TRIB2: variants seen among roughly 807,000 people sequenced by gnomAD.
TRIB2 encodes the protein tribbles pseudokinase 2.
In TRIB2, 2 loss-of-function variants were observed where a neutral mutation model predicts 26.8. That is an observed-to-expected ratio of 0.07 (90% CI 0.03 to 0.24). The LOEUF is 0.24. Ranked by LOEUF, TRIB2 falls within the 10% of genes least tolerant of loss-of-function variation. TRIB2 has a pLI of 1.00. For missense variants in TRIB2, 306 were observed against 449.0 expected (o/e 0.68, Z 2.88); for synonymous variants, 189 against 187.3 (o/e 1.01, Z -0.08).
intron 2 of TRIB2, among the ~76,000 whole-genome samples, chr2:12,725,915 T>A (rs1340865640): frequency 6.6e-6 from 1 of 152,244 alleles, no homozygotes; most frequent in African/African-American, 2.4e-5. Context: ...CTGTAGGACC[T>A]TGGAGAAAAT....
rs1661688804 is a variant in TRIB2, at chr2:12,740,433, T to G, written c.671T>G (p.Leu224Trp). The part of the protein sequence containing the change: ...GCPAYVSPEI[L>W]NTSGSYSGKA... The stretch of plus-strand genomic sequence containing the variant: ...CCGGCTTACGTAAGCCCAGAGATCT[T>G]GAACACCAGTGGCAGCTACTCGGGC... The change falls in exon 3 of 3, where the codon TTG becomes TGG. Residue 224 changes from leucine (L) to tryptophan (W), a missense_variant. Leu to Trp is a moderately conservative substitution (Grantham distance 61). Around this residue, in one of 4 missense-constraint regions of TRIB2, gnomAD observed 118 missense variants for 188.8 expected, o/e 0.63. Coordinates refer to ENST00000155926, the MANE Select transcript of TRIB2 (RefSeq NM_021643.4). This position sits in a 1 kb window ranked among gnomAD's most constrained non-coding sequence, Gnocchi z 5.8. The G allele has an allele frequency of 1.2e-6, 2 of 1,613,974 alleles. No homozygotes were observed. The highest frequency in any genetic ancestry group is 1.7e-6 in the Non-Finnish European group (2 of 1,180,020).
chr2:12,729,645 C>A (rs760226429), intron 2 of TRIB2, among the ~76,000 whole-genome samples: 1 of 152,136 alleles, frequency 6.6e-6, no homozygotes, highest in Non-Finnish European at 1.5e-5. Context: ...AAGGGCTTTT[C>A]TAATCACGGT....
At chr2:12,722,528 G>A (rs1020067880) in intron 1 of TRIB2, among the ~76,000 whole-genome samples, 3 of 152,176 alleles carry the variant, frequency 2.0e-5, no homozygotes, top group East Asian at 1.9e-4. Context: ...TTAAGCAACC[G>A]CACAATGAGT....
In TRIB2 at chr2:12,718,699, G is replaced by A; in HGVS notation, c.270+122G>A. 4 of 1,313,042 alleles carry A rather than the reference G, an allele frequency of 3.0e-6. No individual in the cohort carries two copies. Among genetic ancestry groups the A allele is most frequent in the East Asian group, 5.0e-5 (2 of 40,022 alleles). The allele number at this position is 1,313,042 out of a possible 1,614,324, so 81.3% of individuals were successfully genotyped here. On this transcript the variant is annotated intron_variant, in intron 1 of 2. Coordinates refer to ENST00000155926, the MANE Select transcript of TRIB2 (RefSeq NM_021643.4). The surrounding 1 kb of genome is among the most constrained non-coding windows in gnomAD (Gnocchi z 4.0). ...TAATTACCGTGGCCTTATTAAATGG[G>A]TTTATTTATTTATTTGCTCAGGTTC... is the stretch of plus-strand genomic sequence containing the variant.
intron 2 of TRIB2, among the ~76,000 whole-genome samples, chr2:12,733,490 T>A (rs1437742536): frequency 6.6e-6 from 1 of 152,240 alleles, no homozygotes; most frequent in African/African-American, 2.4e-5. Context: ...TTTCTCTGTG[T>A]ATGGCCTAGG....
Position 12,741,299 on chromosome 2 carries a change from T to C in TRIB2, c.*505T>C, listed in dbSNP as rs1661706776. On this transcript the variant is annotated 3_prime_UTR_variant, in exon 3 of 3. Transcript: ENST00000155926. ...AAAAAAAAATTCGGTGCACACAGAC[T>C]GACATGAAACCTGGGTGCTACAGTA... is the stretch of plus-strand genomic sequence containing the variant. 1 of 155,966 alleles carries C rather than the reference T, an allele frequency of 6.4e-6. No individual in the cohort carries two copies. Among genetic ancestry groups the C allele is most frequent in the Non-Finnish European group, 1.4e-5 (1 of 70,154 alleles). 9.7% of individuals were successfully genotyped at this position (155,966 alleles called of 1,614,324 possible). A position where few individuals can be genotyped will look rare whatever the true frequency, so the allele number is the denominator to read the frequency against.
In TRIB2 at chr2:12,742,191, A is replaced by G. The variant is rs1426646281; in HGVS notation, c.*1397A>G. The G allele has an allele frequency of 6.6e-6, 1 of 152,476 alleles. No individual in the cohort carries two copies. Among genetic ancestry groups the G allele is most frequent in the Non-Finnish European group, 1.5e-5 (1 of 68,022 alleles). 9.4% of individuals were successfully genotyped at this position (152,476 alleles called of 1,614,324 possible). A position where few individuals can be genotyped will look rare whatever the true frequency, so the allele number is the denominator to read the frequency against. On this transcript the variant is annotated 3_prime_UTR_variant, in exon 3 of 3. Transcript: ENST00000155926. ...AAATGTTTTTTATTACGGCTTTTCT[A>G]TTGCTGTATGATACAGAACTCTTTT... is the stretch of plus-strand genomic sequence containing the variant.
rs922855334 is a variant in TRIB2 at position 12,736,202 on chromosome 2, C to T, written c.564-4124C>T. Among the ~76,000 whole-genome samples, 8 of 152,068 alleles carry T rather than the reference C, an allele frequency of 5.3e-5. No individual in the cohort carries two copies. The East Asian group carries it at 5.8e-4, about 11-fold the overall frequency. ...AGGGCCTCAGATTTGGTCAGAGATG[C>T]GACAAAAGTGAGCTGACACAGTCGG... is the stretch of plus-strand genomic sequence containing the variant. On this transcript the variant is annotated intron_variant, in intron 2 of 2. Coordinates refer to ENST00000155926, the MANE Select transcript of TRIB2 (RefSeq NM_021643.4).
intron 2 of TRIB2, among the ~76,000 whole-genome samples, chr2:12,738,325 A>G (rs1467285009): frequency 6.6e-6 from 1 of 152,180 alleles, no homozygotes; most frequent in African/African-American, 2.4e-5. Context: ...GCTCTTTCTT[A>G]TTCAATGCTT....
At position 12,731,441 on chromosome 2, in the gene TRIB2, C is replaced by T. The variant is rs184045079; in HGVS notation, c.563+7889C>T. ...GATGGCAGGGATGGGTTTGTGATTC[C>T]GGAAGTACATGTGAAAGATGAACTG... On this transcript the variant is annotated intron_variant, in intron 2 of 2. Transcript: ENST00000155926. Among the ~76,000 whole-genome samples the T allele has an allele frequency of 3.1e-3, 473 of 152,186 alleles. 1 individual carries two copies. The highest frequency in any genetic ancestry group is 4.8e-3 in the Non-Finnish European group (327 of 68,018).
At chr2:12,731,225 G>T (rs966348047) in intron 2 of TRIB2, among the ~76,000 whole-genome samples, 1 of 152,168 alleles carries the variant, frequency 6.6e-6, no homozygotes, top group Non-Finnish European at 1.5e-5. Context: ...GAGTGCTGTA[G>T]TAGGGATGGG....
Position 12,740,628 on chromosome 2 carries a change from T to C in TRIB2, c.866T>C (p.Leu289Pro). 1 of 1,614,226 alleles carries C rather than the reference T, an allele frequency of 6.2e-7. No homozygotes were observed. Among genetic ancestry groups the C allele is most frequent in the Non-Finnish European group, 8.5e-7 (1 of 1,180,034 alleles). ...PKAKCLIRSI[L>P]RREPSERLTS... ...GCCAAGTGCCTCATCCGAAGCATTC[T>C]GCGTCGGGAGCCCTCAGAGCGGCTG... The change falls in exon 3 of 3, where the codon CTG becomes CCG. Residue 289 changes from leucine (L) to proline (P), a missense_variant. Physicochemically the swap from Leu to Pro is moderately conservative, Grantham distance 98 (BLOSUM62 -3). This residue lies in a region of TRIB2 where 78 missense variants were observed against 104.9 expected (regional missense o/e 0.74). Transcript: ENST00000155926. This position sits in a 1 kb window ranked among gnomAD's most constrained non-coding sequence, Gnocchi z 5.8.
At position 12,718,275 on chromosome 2, in the gene TRIB2, T is replaced by G; in HGVS notation, c.-33T>G. 6.3e-7 allele frequency: 1 copy of G among 1,591,110 alleles called. No individual in the cohort carries two copies. On this transcript the variant is annotated 5_prime_UTR_variant, in exon 1 of 3. Coordinates refer to ENST00000155926, the MANE Select transcript of TRIB2 (RefSeq NM_021643.4). The surrounding 1 kb of genome is among the most constrained non-coding windows in gnomAD (Gnocchi z 4.0). ...CAGCGACTCATCTCTCCAGCGGGTT[T>G]TTTTTTGTTTGTCGTGTGCGATCCT...
chr2:12,734,847 A>G (rs989773299), intron 2 of TRIB2, among the ~76,000 whole-genome samples: 6 of 152,184 alleles, frequency 3.9e-5, no homozygotes, highest in African/African-American at 1.4e-4. Flanking sequence ...TTTGCCTGGA[A>G]AATTCATAAT....
At position 12,718,480 on chromosome 2, in the gene TRIB2, T is replaced by C; in HGVS notation, c.173T>C (p.Val58Ala). 6.2e-7 allele frequency: 1 copy of C among 1,614,014 alleles called. No homozygotes were observed. The highest frequency in any genetic ancestry group is 8.5e-7 in the Non-Finnish European group (1 of 1,179,994). The change falls in exon 1 of 3, where the codon GTT becomes GCT. Residue 58 changes from valine (V) to alanine (A), a missense_variant. Around this residue, in one of 4 missense-constraint regions of TRIB2, gnomAD observed 99 missense variants for 106.5 expected, o/e 0.93. Transcript: ENST00000155926. The surrounding 1 kb of genome is among the most constrained non-coding windows in gnomAD (Gnocchi z 4.0). The part of the protein sequence containing the change: ...PPETPNLSHC[V>A]SCIGKYLLLE... ...GAGACTCCGAACTTGTCGCATTGCG[T>C]TTCTTGTATCGGGAAATACTTATTG...
chr2:12,718,614 G>A lies in TRIB2; in HGVS notation c.270+37G>A, dbSNP rs1666653113. On this transcript the variant is annotated intron_variant, in intron 1 of 2. Transcript: ENST00000155926. This position sits in a 1 kb window ranked among gnomAD's most constrained non-coding sequence, Gnocchi z 4.0. ...GTGGGTTGCTTTTTGTCTTTGGAAG[G>A]GGCCCGAGGGAGCGGGAGGGCGCCA... 6.3e-7 allele frequency: 1 copy of A among 1,596,428 alleles called. No individual in the cohort carries two copies. The highest frequency in any genetic ancestry group is 1.1e-5 in the South Asian group (1 of 90,268).
chr2:12,724,695 G>A (rs1327479088), intron 2 of TRIB2: 1 of 1,612,840 alleles, frequency 6.2e-7, no homozygotes, highest in South Asian at 1.1e-5. Flanking sequence ...CTGTGATCTT[G>A]GATTGGTCCT....
At chr2:12,726,047 G>A (rs1398729839) in intron 2 of TRIB2, among the ~76,000 whole-genome samples, 3 of 152,224 alleles carry the variant, frequency 2.0e-5, no homozygotes, top group Admixed American at 2.0e-4. Flanking sequence ...ATTCCATCGA[G>A]AGCTCTTCTT....
chr2:12,730,963 A>G (rs1246349382), intron 2 of TRIB2, among the ~76,000 whole-genome samples: 2 of 152,156 alleles, frequency 1.3e-5, no homozygotes, highest in Non-Finnish European at 2.9e-5. Context: ...CTCCAGATAG[A>G]ATGTTGGAGT....
Sources: gnomAD v4.1 joint callset for allele counts (sites outside exome capture counted in the v4.1 genomes callset) on GRCh38, gnomAD v4.1.1 for gene constraint, gnomAD v4.1.1 regional missense constraint, Gnocchi (gnomAD v3.1) non-coding constraint, MANE v1.5 for transcripts, NCBI Gene and HGNC (gene_info 2026-07-23, HGNC 2026-07-21) for gene names.